Variants in GMDS observed in about 807,000 individuals in gnomAD.
The protein encoded by GMDS is GDP-mannose 4,6 dehydratase.
A neutral mutation model predicts 49.9 loss-of-function variants in GMDS; 20 were observed. The observed-to-expected ratio is 0.40, with a 90% CI of 0.28 to 0.58. GMDS has a LOEUF of 0.58. Among genes scored for constraint, GMDS ranks in the 20% least tolerant of loss-of-function variants. The pLI is 0.42. For missense variants in GMDS, 362 were observed against 481.4 expected (o/e 0.75, Z 2.32); for synonymous variants, 177 against 178.6 (o/e 0.99, Z 0.07).
intron 1 of GMDS, among the ~76,000 whole-genome samples, chr6:2,219,091 T>C (rs917356436): frequency 2.6e-5 from 4 of 152,074 alleles, no homozygotes; most frequent in African/African-American, 7.2e-5. Context: ...AGCAAGACCC[T>C]GTGTGAAAAA....
chr6:2,000,000 A>ATAATATATATATATTC (rs1766655964), intron 4 of GMDS, among the ~76,000 whole-genome samples: 1 of 17,476 alleles, frequency 5.7e-5, no homozygotes, highest in Non-Finnish European at 1.2e-4. Flanking sequence ...TATATATTAT[A>ATAATATATATATATTC]TATATATATT....
At chr6:1,714,100 C>T (rs553762940) in intron 9 of GMDS, among the ~76,000 whole-genome samples, 1 of 152,316 alleles carries the variant, frequency 6.6e-6, no homozygotes, top group South Asian at 2.1e-4. Context: ...TCACTGCAAG[C>T]TCCGCCTCCT....
intron 7 of GMDS, among the ~76,000 whole-genome samples, chr6:1,768,212 A>C (rs1768434009): frequency 6.6e-6 from 1 of 152,218 alleles, no homozygotes; most frequent in Non-Finnish European, 1.5e-5. Flanking sequence ...TAAACAGGGG[A>C]ATATCTAATG....
chr6:2,074,624 G>A (rs1484005109), intron 4 of GMDS, among the ~76,000 whole-genome samples: 1 of 152,044 alleles, frequency 6.6e-6, no homozygotes, highest in Non-Finnish European at 1.5e-5. Flanking sequence ...TTTTATTCTA[G>A]TAGTTTTACA....
At chr6:1,636,782 A>G (rs1763164712) in intron 9 of GMDS, among the ~76,000 whole-genome samples, 1 of 152,250 alleles carries the variant, frequency 6.6e-6, no homozygotes, top group Non-Finnish European at 1.5e-5. Context: ...GGGCCCCGGA[A>G]GGTCTGCCCA....
At chr6:1,760,796 A>C (rs149420052) in intron 7 of GMDS, among the ~76,000 whole-genome samples, 1 of 152,316 alleles carries the variant, frequency 6.6e-6, no homozygotes, top group East Asian at 1.9e-4. Flanking sequence ...TTCTTCTTTT[A>C]ATTTTTGTTT....
intron 7 of GMDS, among the ~76,000 whole-genome samples, chr6:1,783,535 G>A (rs369420987): frequency 7.7e-4 from 118 of 152,272 alleles, no homozygotes; most frequent in Non-Finnish European, 1.3e-3. Context: ...GGAGGAGCAC[G>A]ATTCTCTTAT....
At chr6:2,104,904 C>T (rs898610637) in intron 4 of GMDS, among the ~76,000 whole-genome samples, 5 of 151,950 alleles carry the variant, frequency 3.3e-5, no homozygotes, top group Non-Finnish European at 7.4e-5. Context: ...TAAACCTAAC[C>T]GGGTGCGGTG....
intron 4 of GMDS, among the ~76,000 whole-genome samples, chr6:2,025,299 T>C: frequency 6.6e-6 from 1 of 152,084 alleles, no homozygotes; most frequent in East Asian, 1.9e-4. Context: ...TATATATTAT[T>C]AAATATACTG....
At chr6:1,684,347 A>G (rs930797815) in intron 9 of GMDS, among the ~76,000 whole-genome samples, 1 of 152,214 alleles carries the variant, frequency 6.6e-6, no homozygotes, top group Non-Finnish European at 1.5e-5. Flanking sequence ...GGCTCACTCA[A>G]ACGTATGTAA....
At chr6:1,661,431 T>C (rs1764070659) in intron 9 of GMDS, among the ~76,000 whole-genome samples, 1 of 152,206 alleles carries the variant, frequency 6.6e-6, no homozygotes, top group South Asian at 2.1e-4. Context: ...ACGACACCCC[T>C]GTGATGTCGT....
intron 1 of GMDS, among the ~76,000 whole-genome samples, chr6:2,217,086 G>T (rs776460421): frequency 3.9e-5 from 6 of 152,124 alleles, no homozygotes; most frequent in Non-Finnish European, 7.3e-5. Flanking sequence ...ACTCGAGCTG[G>T]CTCTGCACCC....
At chr6:2,222,272 C>T (rs548713562) in intron 1 of GMDS, among the ~76,000 whole-genome samples, 7 of 152,332 alleles carry the variant, frequency 4.6e-5, no homozygotes, top group Non-Finnish European at 7.3e-5. Context: ...GACTGCAGAG[C>T]TGCTTTCCCT....
intron 4 of GMDS, among the ~76,000 whole-genome samples, chr6:2,053,239 T>G (rs1366049253): frequency 6.6e-6 from 1 of 152,174 alleles, no homozygotes; most frequent in Non-Finnish European, 1.5e-5. Flanking sequence ...GGTAAATATA[T>G]AACGATTTGT....
intron 7 of GMDS, among the ~76,000 whole-genome samples, chr6:1,813,099 ACAGTCC>A (rs1770510199): frequency 6.6e-6 from 1 of 151,760 alleles, no homozygotes; most frequent in Non-Finnish European, 1.5e-5. Flanking sequence ...GTGTATGAGC[ACAGTCC>A]CAGCTACTCA....
chr6:2,059,143 T>A (rs1461431981), intron 4 of GMDS, among the ~76,000 whole-genome samples: 3 of 110,490 alleles, frequency 2.7e-5, no homozygotes, highest in Non-Finnish European at 4.9e-5. Flanking sequence ...GCCTCTGCAC[T>A]CCAGCCTGGG....
rs1429243758 is a variant in GMDS at position 1,766,630 on chromosome 6, G to A, written c.772-24044C>T. 6.6e-6 allele frequency among the ~76,000 whole-genome samples: 1 copy of A among 152,130 alleles called. No individual in the cohort carries two copies. Among genetic ancestry groups the A allele is most frequent in the Admixed American group, 6.5e-5 (1 of 15,282 alleles). ...CCGGAGCCCAGGGAAGCTCACCTCA[G>A]GCAGCCTGCAGAGGCTCTCCCCTTC... On this transcript the variant is annotated intron_variant, in intron 7 of 10. Transcript: ENST00000380815. The surrounding 1 kb of genome is among the most constrained non-coding windows in gnomAD (Gnocchi z 4.5).
intron 9 of GMDS, among the ~76,000 whole-genome samples, chr6:1,661,383 C>T (rs1464460276): frequency 6.6e-6 from 1 of 152,206 alleles, no homozygotes; most frequent in African/African-American, 2.4e-5. Flanking sequence ...AGCTTTGCAT[C>T]TTCAAAGCTC....
intron 9 of GMDS, among the ~76,000 whole-genome samples, chr6:1,626,389 A>G (rs570937402): frequency 5.1e-4 from 77 of 152,374 alleles, no homozygotes; most frequent in Non-Finnish European, 1.0e-3. Flanking sequence ...AAAAGTAGTA[A>G]TTAGCAATTT....
Sources: allele counts gnomAD v4.1 joint callset (sites outside exome capture counted in the v4.1 genomes callset), GRCh38; gene constraint gnomAD v4.1.1; non-coding constraint Gnocchi (gnomAD v3.1); transcripts MANE v1.5; gene names NCBI Gene and HGNC (gene_info 2026-07-23, HGNC 2026-07-21).